The following SMOC2 variants were observed in gnomAD, a reference collection of about 807,000 sequenced individuals.
The protein encoded by SMOC2 is SPARC-related modular calcium-binding protein 2.
A neutral mutation model predicts 61.4 loss-of-function variants in SMOC2; 39 were observed. That is an observed-to-expected ratio of 0.64 (90% CI 0.49 to 0.83). SMOC2 has a LOEUF of 0.83. SMOC2 is among the 40% of genes least tolerant of loss of function. The pLI is 0.00. For synonymous variants in SMOC2, 247 were observed against 239.9 expected (o/e 1.03, Z -0.27); for missense variants, 556 against 592.9 (o/e 0.94, Z 0.65).
chr6:168,667,429 G>T lies in SMOC2; in HGVS notation c.*991G>T, dbSNP rs942757471. The T allele has an allele frequency of 3.3e-5, 5 of 152,340 alleles. No individual in the cohort carries two copies. Among genetic ancestry groups the T allele is most frequent in the Non-Finnish European group, 1.5e-5 (1 of 68,038 alleles). 9.4% of individuals were successfully genotyped at this position (152,340 alleles called of 1,614,324 possible). ...CCCCGGGGCTGGTGTTGGCAGCCGGGGGGAGGTGCCTGAGGGTCCCCACGG... is the reference window on the plus strand; with the variant it reads ...CCCCGGGGCTGGTGTTGGCAGCCGGTGGGAGGTGCCTGAGGGTCCCCACGG... On this transcript the variant is annotated 3_prime_UTR_variant, in exon 13 of 13. Transcript: ENST00000356284.
intron 4 of SMOC2, among the ~76,000 whole-genome samples, chr6:168,542,889 C>A (rs1230999793): frequency 6.6e-6 from 1 of 152,064 alleles, no homozygotes; most frequent in Non-Finnish European, 1.5e-5. Flanking sequence ...ATTTCAAGTT[C>A]TAAGATGTTT....
At position 168,526,436 on chromosome 6, in the gene SMOC2, A is replaced by C; in HGVS notation, c.347A>C (p.Asp116Ala). ...QQVFIPECND[D>A]GTYSQVQCHS... ...GTGTTCATTCCTGAGTGCAATGACGACGGCACCTACAGTCAGGTTACCGGC... is the reference window on the plus strand; with the variant it reads ...GTGTTCATTCCTGAGTGCAATGACGCCGGCACCTACAGTCAGGTTACCGGC... The change falls in exon 3 of 13, where the codon GAC (aspartate) becomes GCC (alanine). Residue 116 changes from aspartate (D) to alanine (A), a missense_variant. Physicochemically the swap from Asp to Ala is moderately radical, Grantham distance 126 (BLOSUM62 -2). Transcript: ENST00000356284. 4 of 1,614,068 alleles carry C rather than the reference A, an allele frequency of 2.5e-6. No homozygotes were observed. The highest frequency in any genetic ancestry group is 3.4e-6 in the Non-Finnish European group (4 of 1,179,984).
chr6:168,484,940 G>A (rs1782294813), intron 1 of SMOC2, among the ~76,000 whole-genome samples: 1 of 152,168 alleles, frequency 6.6e-6, no homozygotes, highest in African/African-American at 2.4e-5. Context: ...CCAGGGGCTG[G>A]GGAAGGGGAA....
intron 1 of SMOC2, among the ~76,000 whole-genome samples, chr6:168,473,467 G>A (rs749642626): frequency 6.6e-6 from 1 of 152,164 alleles, no homozygotes; most frequent in Non-Finnish European, 1.5e-5. Flanking sequence ...CCTGTGAAAC[G>A]ATACTGTTAC....
At chr6:168,542,887 T>G (rs1041817794) in intron 4 of SMOC2, among the ~76,000 whole-genome samples, 1 of 152,174 alleles carries the variant, frequency 6.6e-6, no homozygotes, top group African/African-American at 2.4e-5. Context: ...TAATTTCAAG[T>G]TCTAAGATGT....
intron 7 of SMOC2, among the ~76,000 whole-genome samples, chr6:168,570,518 G>A (rs1784640936): frequency 6.6e-6 from 1 of 152,170 alleles, no homozygotes. Context: ...GTTTTCACAG[G>A]GCCCTGTGTT....
intron 4 of SMOC2, among the ~76,000 whole-genome samples, chr6:168,542,681 A>T (rs1213721519): frequency 6.6e-6 from 1 of 152,108 alleles, no homozygotes; most frequent in Non-Finnish European, 1.5e-5. Flanking sequence ...GTGCCAGAGG[A>T]TGGATGGCGC....
At chr6:168,534,839 G>T (rs368671467) in intron 4 of SMOC2, among the ~76,000 whole-genome samples, 1 of 152,092 alleles carries the variant, frequency 6.6e-6, no homozygotes, top group South Asian at 2.1e-4. Context: ...GTGACTTTTC[G>T]CTCCTGTTTT....
intron 4 of SMOC2, among the ~76,000 whole-genome samples, chr6:168,536,905 A>T (rs1333583002): frequency 3.9e-5 from 6 of 152,212 alleles, no homozygotes; most frequent in Non-Finnish European, 8.8e-5. Flanking sequence ...ACTACAGAGG[A>T]CAGGTGTTGT....
chr6:168,558,005 C>T (rs1784287460), intron 7 of SMOC2, among the ~76,000 whole-genome samples: 1 of 152,198 alleles, frequency 6.6e-6, no homozygotes, highest in African/African-American at 2.4e-5. Context: ...GCCTCTGGGG[C>T]ATCTCTGAGG....
chr6:168,473,672 C>T lies in SMOC2; in HGVS notation c.84+32218C>T, dbSNP rs551860947. Among the ~76,000 whole-genome samples the T allele has an allele frequency of 9.2e-5, 14 of 152,260 alleles. No homozygotes were observed. The South Asian group carries it at 2.5e-3, about 27-fold the overall frequency. ...CAAAACTTGAGAATTTGGTGCAGGC[C>T]GTCCTTGTCATCCCTACTTGGGAGA... On this transcript the variant is annotated intron_variant, in intron 1 of 12. Coordinates refer to ENST00000356284, the MANE Select transcript of SMOC2 (RefSeq NM_001166412.2).
chr6:168,497,041 A>G (rs1022986939), intron 1 of SMOC2, among the ~76,000 whole-genome samples: 1 of 152,202 alleles, frequency 6.6e-6, no homozygotes, highest in Non-Finnish European at 1.5e-5. Flanking sequence ...TCTGTGGCCC[A>G]GGCCCGCCCC....
intron 7 of SMOC2, among the ~76,000 whole-genome samples, chr6:168,595,269 G>A (rs1350865079): frequency 3.4e-5 from 5 of 148,348 alleles, no homozygotes; most frequent in South Asian, 2.2e-4. Context: ...CTAGAGGATC[G>A]CCGAGCTCCT....
intron 7 of SMOC2, among the ~76,000 whole-genome samples, chr6:168,583,329 G>A (rs1300951448): frequency 6.6e-6 from 1 of 151,722 alleles, no homozygotes; most frequent in Non-Finnish European, 1.5e-5. Context: ...GGCTCCAATG[G>A]GCTCAGCCCT....
Position 168,656,091 on chromosome 6 carries a change from G to A in SMOC2, c.1285+2863G>A, listed in dbSNP as rs73789165. ...GATTTGTGTAATACTTGCTGGGTAG[G>A]GCTAGTAGACACCGCTCAAATCTCT... On this transcript the variant is annotated intron_variant, in intron 11 of 12. Transcript: ENST00000356284. 5.5e-3 allele frequency among the ~76,000 whole-genome samples: 832 copies of A among 152,314 alleles called. 8 individuals are homozygous for A. Among genetic ancestry groups the A allele is most frequent in the African/African-American group, 0.019 (789 of 41,558 alleles).
In SMOC2 at chr6:168,544,437, C is replaced by T. The variant is rs1783945470; in HGVS notation, c.511+765C>T. The stretch of plus-strand genomic sequence containing the variant: ...AAAAATAATATAAACACAGACCAGG[C>T]CGAGGCAGGCAGATCACCTGAGGTC... On this transcript the variant is annotated intron_variant, in intron 5 of 12. Transcript: ENST00000356284. The surrounding 1 kb of genome is among the most constrained non-coding windows in gnomAD (Gnocchi z 4.1). 6.6e-6 allele frequency among the ~76,000 whole-genome samples: 1 copy of T among 152,136 alleles called. No individual in the cohort carries two copies. Among genetic ancestry groups the T allele is most frequent in the Admixed American group, 6.5e-5 (1 of 15,288 alleles).
intron 7 of SMOC2, among the ~76,000 whole-genome samples, chr6:168,563,418 T>TAC (rs1301483717): frequency 6.6e-6 from 1 of 152,144 alleles, no homozygotes; most frequent in Non-Finnish European, 1.5e-5. Context: ...CATATATATA[T>TAC]ACACACACAC....
chr6:168,630,808 C>T (rs9456259), intron 9 of SMOC2, among the ~76,000 whole-genome samples: 25,657 of 152,118 alleles, frequency 0.17, 2,286 homozygotes, highest in South Asian at 0.29. Flanking sequence ...CTCTTACAGT[C>T]GAGATTGCAG....
chr6:168,475,564 G>T lies in SMOC2; in HGVS notation c.84+34110G>T, dbSNP rs189623189. Among the ~76,000 whole-genome samples the T allele has an allele frequency of 6.6e-6, 1 of 152,084 alleles. No individual in the cohort carries two copies. The highest frequency in any genetic ancestry group is 1.5e-5 in the Non-Finnish European group (1 of 67,986). On this transcript the variant is annotated intron_variant, in intron 1 of 12. Coordinates refer to ENST00000356284, the MANE Select transcript of SMOC2 (RefSeq NM_001166412.2). The surrounding 1 kb of genome is among the most constrained non-coding windows in gnomAD (Gnocchi z 4.6). ...GGCCATGGCCAGCGTTGCCTTGGGG[G>T]ACAGGGCATGAAGGCACATGGGTCT...
Sources: allele counts gnomAD v4.1 joint callset (sites outside exome capture counted in the v4.1 genomes callset), GRCh38; gene constraint gnomAD v4.1.1; non-coding constraint Gnocchi (gnomAD v3.1); transcripts MANE v1.5; gene names NCBI Gene and HGNC (gene_info 2026-07-23, HGNC 2026-07-21).